ATG7: variants seen among roughly 807,000 people sequenced by gnomAD.
ATG7 encodes the protein autophagy related 7, also known as ubiquitin-like modifier-activating enzyme ATG7.
In ATG7, 70 loss-of-function variants were observed where a neutral mutation model predicts 82.4. The ratio of observed to expected loss-of-function variants is 0.85; its 90% CI spans 0.70 to 1.04. ATG7 has a LOEUF of 1.04. ATG7 is among the 50% of genes least tolerant of loss of function. The pLI is 0.00. For missense variants in ATG7, 792 were observed against 864.3 expected, an observed-to-expected ratio of 0.92 and a Z score of 1.05; for synonymous variants, 287 against 313.0, an observed-to-expected ratio of 0.92 and a Z score of 0.88.
chr3:11,292,254 CTT>C (rs57610397), intron 3 of ATG7, among the ~76,000 whole-genome samples: 34 of 138,736 alleles, frequency 2.5e-4, no homozygotes, highest in Admixed American at 3.6e-4. Context: ...TTCTTTCTTT[CTT>C]TTTTTTTTTT....
chr3:11,526,028 A>G (rs915566866), intron 20 of ATG7, among the ~76,000 whole-genome samples: 1 of 152,150 alleles, frequency 6.6e-6, no homozygotes. Flanking sequence ...GCTGATATAA[A>G]TGTGATAACT....
intron 20 of ATG7, among the ~76,000 whole-genome samples, chr3:11,511,632 C>T (rs113167023): frequency 2.6e-4 from 39 of 152,256 alleles, no homozygotes; most frequent in African/African-American, 8.4e-4. Flanking sequence ...TGGGACTGGG[C>T]GCCGTGAGCA....
intron 19 of ATG7, among the ~76,000 whole-genome samples, chr3:11,417,487 C>A (rs1256651517): frequency 6.6e-6 from 1 of 152,210 alleles, no homozygotes; most frequent in East Asian, 1.9e-4. Context: ...AATTCAGATA[C>A]TTCTACTTAC....
chr3:11,344,058 GT>G (rs1268179186), intron 13 of ATG7, among the ~76,000 whole-genome samples: 1 of 152,008 alleles, frequency 6.6e-6, no homozygotes, highest in Non-Finnish European at 1.5e-5. Context: ...ATTTAATGAT[GT>G]TTTTTCCTTT....
intron 17 of ATG7, among the ~76,000 whole-genome samples, chr3:11,363,641 G>C (rs945532153): frequency 6.6e-6 from 1 of 152,214 alleles, no homozygotes; most frequent in Admixed American, 6.5e-5. Flanking sequence ...GTGAGGATAA[G>C]TAAGTGGCCA....
At chr3:11,501,550 G>GC (rs80195697) in intron 20 of ATG7, among the ~76,000 whole-genome samples, 3 of 152,006 alleles carry the variant, frequency 2.0e-5, no homozygotes, top group African/African-American at 7.3e-5. Context: ...GATATTAATA[G>GC]ATAGGTGTGA....
At chr3:11,431,830 A>G (rs1253285456) in intron 20 of ATG7, among the ~76,000 whole-genome samples, 2 of 152,202 alleles carry the variant, frequency 1.3e-5, no homozygotes, top group Non-Finnish European at 2.9e-5. Flanking sequence ...AGCTGATCCA[A>G]CTAGAGACTA....
chr3:11,347,390 G>C (rs546259265), intron 13 of ATG7, among the ~76,000 whole-genome samples: 1 of 152,226 alleles, frequency 6.6e-6, no homozygotes, highest in South Asian at 2.1e-4. Flanking sequence ...TTGAAGAAAT[G>C]GTACAAAATG....
At chr3:11,375,912 G>A (rs1200489323) in intron 18 of ATG7, among the ~76,000 whole-genome samples, 5 of 152,164 alleles carry the variant, frequency 3.3e-5, no homozygotes, top group Non-Finnish European at 5.9e-5. Flanking sequence ...TCCTCAAAAT[G>A]TTAAACAGTC....
chr3:11,303,857 G>A (rs1202300227), intron 5 of ATG7, among the ~76,000 whole-genome samples: 1 of 147,052 alleles, frequency 6.8e-6, no homozygotes, highest in South Asian at 2.2e-4. Flanking sequence ...GGTGGGTCAC[G>A]AGGTCAGGGA....
intron 20 of ATG7, among the ~76,000 whole-genome samples, chr3:11,486,998 T>C (rs1378540686): frequency 2.0e-5 from 3 of 151,842 alleles, no homozygotes; most frequent in Non-Finnish European, 4.4e-5. Flanking sequence ...GCAGTGTTTG[T>C]GTCCCTGATT....
intron 20 of ATG7, among the ~76,000 whole-genome samples, chr3:11,474,931 G>A (rs1574878743): frequency 6.6e-6 from 1 of 152,300 alleles, no homozygotes; most frequent in East Asian, 1.9e-4. Context: ...GGTAGGAAGT[G>A]AGGTTGGCAA....
rs147749328 is a variant in ATG7, at chr3:11,470,403, G to A, written c.2079+43477G>A. On this transcript the variant is annotated intron_variant, in intron 20 of 20. Coordinates refer to ENST00000693202, the MANE Select transcript of ATG7 (RefSeq NM_001349232.2). The stretch of plus-strand genomic sequence containing the variant: ...CACTGTGGGCAACTGGAAAACAATA[G>A]TAAGGATTTGAGTATGGAAACATAG... Among the ~76,000 whole-genome samples the A allele has an allele frequency of 1.8e-3, 270 of 152,310 alleles. 2 individuals carry two copies. The East Asian group carries it at 0.042, about 24-fold the overall frequency.
chr3:11,387,728 T>C (rs1252412965), intron 19 of ATG7, among the ~76,000 whole-genome samples: 1 of 151,924 alleles, frequency 6.6e-6, no homozygotes, highest in Non-Finnish European at 1.5e-5. Flanking sequence ...CCCAGCACTT[T>C]GGGAGGCTGA....
chr3:11,342,802 A>G (rs1020785520), intron 13 of ATG7, among the ~76,000 whole-genome samples: 5 of 151,714 alleles, frequency 3.3e-5, no homozygotes, highest in Non-Finnish European at 7.4e-5. Context: ...ATTAGAGAAC[A>G]TTCTTATACT....
Position 11,426,788 on chromosome 3 carries a change from T to C in ATG7, c.1957-16T>C, listed in dbSNP as rs373259645. ...AGTCTGGAGACTCCTTTTTAAAAAA[T>C]GTAAATGTTTTACAGGTTCTTGATC... is the stretch of plus-strand genomic sequence containing the variant. On this transcript the variant is annotated splice_polypyrimidine_tract_variant and intron_variant, in intron 19 of 20. Transcript: ENST00000693202. The C allele has an allele frequency of 5.1e-6, 8 of 1,555,808 alleles. No homozygotes were observed. The highest frequency in any genetic ancestry group is 4.2e-5 in the African/African-American group (3 of 71,982).
chr3:11,564,004 G>C, the ATG7 span, among the ~76,000 whole-genome samples: 2 of 152,172 alleles, frequency 1.3e-5, no homozygotes, highest in East Asian at 1.9e-4. Context: ...TGAATGCACA[G>C]AGCCCGGAGG....
intron 18 of ATG7, among the ~76,000 whole-genome samples, chr3:11,365,344 G>A (rs2076530592): frequency 6.6e-6 from 1 of 152,148 alleles, no homozygotes; most frequent in Non-Finnish European, 1.5e-5. Flanking sequence ...AAAGTGGGGT[G>A]TCTTTTCAGA....
chr3:11,396,974 A>C (rs747172949), intron 19 of ATG7, among the ~76,000 whole-genome samples: 1 of 152,134 alleles, frequency 6.6e-6, no homozygotes, highest in African/African-American at 2.4e-5. Flanking sequence ...GAAAAATTGT[A>C]TAACTTCTGA....
Sources: gnomAD v4.1 joint callset for allele counts (sites outside exome capture counted in the v4.1 genomes callset) on GRCh38, gnomAD v4.1.1 for gene constraint, MANE v1.5 for transcripts, NCBI Gene and HGNC (gene_info 2026-07-23, HGNC 2026-07-21) for gene names.